The following DNASE1 variants were observed in gnomAD, a reference collection of about 807,000 sequenced individuals.
DNASE1 encodes deoxyribonuclease-1.
Under a neutral mutation model 33.9 loss-of-function variants are expected in DNASE1, and 40 were observed. The observed-to-expected ratio is 1.18, with a 90% CI of 0.92 to 1.54. The LOEUF is 1.54. Ranked by LOEUF, DNASE1 falls within the 40% of genes most tolerant of loss-of-function variation. DNASE1 has a pLI of 0.00. For missense variants in DNASE1, 518 were observed against 372.6 expected, an observed-to-expected ratio of 1.39 and a Z score of -3.21; for synonymous variants, 216 against 160.0, an observed-to-expected ratio of 1.35 and a Z score of -2.64.
chr16:3,659,310 A>G (rs1040866014), downstream of DNASE1: 1 of 156,176 alleles, frequency 6.4e-6, no homozygotes, highest in African/African-American at 2.4e-5. Context: ...AGTATTTCAC[A>G]GAAGAGGGAG....
chr16:3,623,248 C>T (rs189458023), intron 1 of DNASE1, among the ~76,000 whole-genome samples: 6 of 152,052 alleles, frequency 3.9e-5, no homozygotes, highest in Non-Finnish European at 7.3e-5. Context: ...GGGAAGGACA[C>T]GCTATTCAAT....
chr16:3,626,370 G>T (rs903213040), intron 1 of DNASE1, among the ~76,000 whole-genome samples: 1 of 152,150 alleles, frequency 6.6e-6, no homozygotes, highest in Non-Finnish European at 1.5e-5. Flanking sequence ...AGCTAGTGTG[G>T]TAAGGACTTC....
rs2042786918 is a variant in DNASE1, at chr16:3,657,787, C to CAGGCTGCCTATGGCCTGAGTG, written c.774_794dup (p.Ser264_Asp265insGluAlaAlaTyrGlyLeuSer). The CAGGCTGCCTATGGCCTGAGTG allele has an allele frequency of 6.2e-7, 1 of 1,613,942 alleles. No individual in the cohort carries two copies. The highest frequency in any genetic ancestry group is 1.3e-5 in the African/African-American group (1 of 74,922). On this transcript the variant is annotated inframe_insertion, in exon 8 of 9. Coordinates refer to ENST00000246949, the MANE Select transcript of DNASE1 (RefSeq NM_005223.4). The stretch of plus-strand genomic sequence containing the variant: ...CGACTCGGCTCTTCCCTTTAACTTC[C>CAGGCTGCCTATGGCCTGAGTG]AGGCTGCCTATGGCCTGAGTGACCA...
chr16:3,621,934 A>T (rs868414058), intron 1 of DNASE1, among the ~76,000 whole-genome samples: 2 of 152,330 alleles, frequency 1.3e-5, no homozygotes, highest in South Asian at 4.1e-4. Context: ...TAAAGAAGCC[A>T]AATTGGCCAG....
At chr16:3,645,131 T>C (rs1004327182) in intron 1 of DNASE1, among the ~76,000 whole-genome samples, 1 of 152,106 alleles carries the variant, frequency 6.6e-6, no homozygotes, top group Non-Finnish European at 1.5e-5. Context: ...CCCTGTCTCA[T>C]TTCTTTAAAA....
At chr16:3,647,465 G>A (rs748252237) in intron 1 of DNASE1, among the ~76,000 whole-genome samples, 5 of 151,972 alleles carry the variant, frequency 3.3e-5, no homozygotes, top group Non-Finnish European at 7.4e-5. Flanking sequence ...GTAGAGACAG[G>A]TTCTTGCCAT....
chr16:3,654,339 C>G, upstream of DNASE1: 1 of 398,832 alleles, frequency 2.5e-6, no homozygotes, highest in Non-Finnish European at 4.4e-6. Context: ...CAGGCCCCCA[C>G]CACTGCTTGT....
intron 1 of DNASE1, among the ~76,000 whole-genome samples, chr16:3,621,666 AATCT>A (rs2151162459): frequency 6.6e-6 from 1 of 152,316 alleles, no homozygotes; most frequent in East Asian, 1.9e-4. Context: ...ATTACATATA[AATCT>A]ATCATTTTGT....
intron 2 of DNASE1, 98 bp downstream of exon 2, chr16:3,655,618 G>T: frequency 6.4e-7 from 1 of 1,574,018 alleles, no homozygotes. Flanking sequence ...TGTCGGGTGT[G>T]GGGTACTGAG....
At chr16:3,651,867 A>C, upstream of DNASE1, 1 of 152,444 alleles carries the variant, frequency 6.6e-6, no homozygotes, top group South Asian at 2.1e-4. Context: ...GAGAAGTGAG[A>C]GTGCTGGAGA....
chr16:3,631,233 T>C (rs1264474333), intron 1 of DNASE1, among the ~76,000 whole-genome samples: 1 of 151,978 alleles, frequency 6.6e-6, no homozygotes. Flanking sequence ...GACAGAGTCT[T>C]GGTCTGTTGC....
chr16:3,662,400 G>A (rs1296162247), downstream of DNASE1: 4 of 575,200 alleles, frequency 7.0e-6, no homozygotes, highest in East Asian at 1.2e-4. Flanking sequence ...ATCGTCCTCT[G>A]CTCCATGCCA....
At chr16:3,628,211 A>T (rs1050891236) in intron 1 of DNASE1, among the ~76,000 whole-genome samples, 1 of 152,084 alleles carries the variant, frequency 6.6e-6, no homozygotes. Flanking sequence ...TGTAAGTGGA[A>T]TTGTTTTTAT....
chr16:3,643,962 C>T (rs564578121), intron 1 of DNASE1, among the ~76,000 whole-genome samples: 29 of 151,820 alleles, frequency 1.9e-4, no homozygotes, highest in Non-Finnish European at 3.5e-4. Flanking sequence ...GGGGTTTCAC[C>T]GTGTTAGCCA....
intron 2 of DNASE1, 140 bp downstream of exon 2, chr16:3,655,660 CT>C (rs2042558203): frequency 1.4e-6 from 2 of 1,459,728 alleles, no homozygotes; most frequent in Non-Finnish European, 1.9e-6. Context: ...GGAACAGGCT[CT>C]TGGCTGTGGA....
intron 1 of DNASE1, among the ~76,000 whole-genome samples, chr16:3,621,294 C>T (rs1208981920): frequency 6.6e-6 from 1 of 152,076 alleles, no homozygotes; most frequent in African/African-American, 2.4e-5. Flanking sequence ...GCTATCTTGC[C>T]CAGGCTGATC....
chr16:3,659,031 C>T (rs917303998), downstream of DNASE1: 9 of 673,574 alleles, frequency 1.3e-5, no homozygotes, highest in Non-Finnish European at 2.2e-5. Flanking sequence ...ATTATATACC[C>T]AGAAAACCCA....
intron 1 of DNASE1, among the ~76,000 whole-genome samples, chr16:3,616,567 T>C (rs1351332307): frequency 6.6e-6 from 1 of 152,112 alleles, no homozygotes; most frequent in Non-Finnish European, 1.5e-5. Flanking sequence ...GTTGCAGTGA[T>C]CCAAGATCAC....
chr16:3,626,728 A>G (rs1596571614), intron 1 of DNASE1, among the ~76,000 whole-genome samples: 1 of 152,146 alleles, frequency 6.6e-6, no homozygotes, highest in East Asian at 1.9e-4. Context: ...TCCAGCTCTG[A>G]TAGTGGATTT....
Sources: allele counts gnomAD v4.1 joint callset (sites outside exome capture counted in the v4.1 genomes callset), GRCh38; gene constraint gnomAD v4.1.1; transcripts MANE v1.5; gene names NCBI Gene and HGNC (gene_info 2026-07-23, HGNC 2026-07-21).